Variants in TATDN2 observed in about 807,000 individuals in gnomAD.
TATDN2 encodes the protein 3'-5' RNA nuclease TATDN2.
Under a neutral mutation model 60.3 loss-of-function variants are expected in TATDN2, and 44 were observed. The ratio of observed to expected loss-of-function variants is 0.73; its 90% confidence interval spans 0.57 to 0.94. The LOEUF is 0.94. TATDN2 is among the 40% of genes least tolerant of loss of function. The pLI is 0.00. For synonymous variants in TATDN2, 399 were observed against 355.8 expected (o/e 1.12, Z -1.37); for missense variants, 997 against 948.0 (o/e 1.05, Z -0.68).
Position 10,270,838 on chromosome 3 carries a change from G to A in TATDN2, c.1656G>A (p.Leu552=). ...TLTDCLWEEL[L]KEDLVWGAFG... ...CAGATTGCCTATGGGAGGAGCTGTT[G>A]AAAGAGGATCTGGTCTGGGGGGCCT... Residue 552 remains leucine, a synonymous_variant, in exon 4 of 8, where the codon TTG becomes TTA. Transcript: ENST00000448281. 6.2e-7 allele frequency: 1 copy of A among 1,614,174 alleles called. No individual in the cohort carries two copies. The highest frequency in any genetic ancestry group is 8.5e-7 in the Non-Finnish European group (1 of 1,180,024).
chr3:10,255,777 A>G (rs1252385611), intron 2 of TATDN2, among the ~76,000 whole-genome samples: 2 of 152,170 alleles, frequency 1.3e-5, no homozygotes, highest in Admixed American at 1.3e-4. Context: ...CCTCGTCTCT[A>G]CCAAAAATAC....
chr3:10,254,328 C>T (rs1049757519), intron 2 of TATDN2, among the ~76,000 whole-genome samples: 1 of 152,196 alleles, frequency 6.6e-6, no homozygotes, highest in East Asian at 1.9e-4. Flanking sequence ...CTGAGTCTTA[C>T]TGATGGACAA....
intron 4 of TATDN2, 151 bp downstream of exon 4, chr3:10,271,166 C>G: frequency 1.1e-6 from 1 of 935,508 alleles, no homozygotes; most frequent in Non-Finnish European, 1.5e-6. Context: ...ATCTAGATGC[C>G]ATTTGTCAAA....
At chr3:10,270,028 G>A (rs545703180) in intron 3 of TATDN2, 103 bp from the exon 4 acceptor site, 1 of 1,437,430 alleles carries the variant, frequency 7.0e-7, no homozygotes, top group East Asian at 2.3e-5. Context: ...CCATCACCAT[G>A]GCCAGAAGAA....
intron 3 of TATDN2, among the ~76,000 whole-genome samples, chr3:10,265,562 G>A (rs1206848944): frequency 6.6e-6 from 1 of 150,614 alleles, no homozygotes; most frequent in Non-Finnish European, 1.5e-5. Context: ...TGCACCTGTA[G>A]TCCCAGGTGC....
chr3:10,252,129 C>CA (rs1698240115), intron 2 of TATDN2, among the ~76,000 whole-genome samples: 1 of 121,200 alleles, frequency 8.3e-6, no homozygotes, highest in Admixed American at 1.1e-4. Flanking sequence ...GCCTGGGCAA[C>CA]AGAGTGAGAC....
rs535345128 is a variant in TATDN2 at position 10,255,061 on chromosome 3, G to A, written c.415-5076G>A. Among the ~76,000 whole-genome samples the A allele has an allele frequency of 3.2e-4, 39 of 122,936 alleles. 1 individual carries two copies. The South Asian group carries it at 0.011, about 34-fold the overall frequency. The allele number at this position is 122,936 out of a possible 152,430, so 80.7% of individuals were successfully genotyped here. A position where few individuals can be genotyped will look rare whatever the true frequency, so the allele number is the denominator to read the frequency against. ...TCCTTTCCTGTCTGTCACCCAGGCT[G>A]AAGTGCAGTGGTGCAATTGGCTCAC... On this transcript the variant is annotated intron_variant, in intron 2 of 7. Transcript: ENST00000448281.
At chr3:10,276,121 C>T (rs187497850) in intron 4 of TATDN2, among the ~76,000 whole-genome samples, 1 of 152,384 alleles carries the variant, frequency 6.6e-6, no homozygotes, top group African/African-American at 2.4e-5. Flanking sequence ...TCACTGCATG[C>T]TGCGCAGACA....
At position 10,270,390 on chromosome 3, in the gene TATDN2, A is replaced by G; in HGVS notation, c.1208A>G (p.Asn403Ser). The G allele has an allele frequency of 6.2e-7, 1 of 1,614,214 alleles. No individual in the cohort carries two copies. Among genetic ancestry groups the G allele is most frequent in the East Asian group, 2.2e-5 (1 of 44,882 alleles). Reference protein sequence around the residue: ...SSYPSTGSSSNDAAQVGKSSR... With the variant: ...SSYPSTGSSSSDAAQVGKSSR... ...TACCCCTCCACAGGCAGCAGCAGCAACGATGCAGCCCAGGTTGGGAAGAGC... is the reference window on the plus strand; with the variant it reads ...TACCCCTCCACAGGCAGCAGCAGCAGCGATGCAGCCCAGGTTGGGAAGAGC... Residue 403 changes from asparagine (N) to serine (S), a missense_variant, in exon 4 of 8, where the codon AAC (asparagine) becomes AGC (serine). Transcript: ENST00000448281.
chr3:10,278,676 C>T lies in TATDN2; in HGVS notation c.2146-209C>T, dbSNP rs777648832. 5.1e-6 allele frequency: 5 copies of T among 974,304 alleles called. No homozygotes were observed. The South Asian group carries it at 5.5e-5, about 11-fold the overall frequency. 60.4% of individuals were successfully genotyped at this position (974,304 alleles called of 1,614,324 possible). ...CACTCTCTTCCAGGCAGTGCAAAGC[C>T]CTACCCTGTAGAGGGTAGTCCAAGG... On this transcript the variant is annotated intron_variant, in intron 6 of 7. Coordinates refer to ENST00000448281, the MANE Select transcript of TATDN2 (RefSeq NM_014760.4). The surrounding 1 kb of genome is among the most constrained non-coding windows in gnomAD (Gnocchi z 4.7).
At chr3:10,269,252 C>T (rs1388859703) in intron 3 of TATDN2, among the ~76,000 whole-genome samples, 1 of 152,214 alleles carries the variant, frequency 6.6e-6, no homozygotes, top group Non-Finnish European at 1.5e-5. Flanking sequence ...CAGATGGAAG[C>T]TACAAGGCCC....
At position 10,249,352 on chromosome 3, in the gene TATDN2, G is replaced by T. The variant is rs1559457933; in HGVS notation, c.152G>T (p.Ser51Ile). ...RSASRSGGPS[S>I]PKRLKAQKED... ...GCGTCGCGTTCTGGAGGGCCCAGCAGCCCCAAGCGCCTGAAAGCCCAGAAG... is the reference window on the plus strand; with the variant it reads ...GCGTCGCGTTCTGGAGGGCCCAGCATCCCCAAGCGCCTGAAAGCCCAGAAG... The change falls in exon 2 of 8, where the codon AGC becomes ATC. Residue 51 changes from serine to isoleucine, a missense_variant. Ser to Ile is a moderately radical substitution (Grantham distance 142). Coordinates refer to ENST00000448281, the MANE Select transcript of TATDN2 (RefSeq NM_014760.4). 3.7e-6 allele frequency: 6 copies of T among 1,612,820 alleles called. No individual in the cohort carries two copies. Among genetic ancestry groups the T allele is most frequent in the South Asian group, 1.1e-5 (1 of 90,936 alleles).
chr3:10,260,098 C>A, intron 2 of TATDN2, 39 bp from the exon 3 acceptor site: 1 of 1,571,824 alleles, frequency 6.4e-7, no homozygotes, highest in African/African-American at 1.4e-5. Context: ...CGAAAGTGCC[C>A]TTGGAACAGC....
rs946025844 is a variant in TATDN2 at position 10,280,184 on chromosome 3, C to T, written c.*1002C>T. On this transcript the variant is annotated 3_prime_UTR_variant, in exon 8 of 8. Coordinates refer to ENST00000448281, the MANE Select transcript of TATDN2 (RefSeq NM_014760.4). The stretch of plus-strand genomic sequence containing the variant: ...TCCGAAGCTCTGCTGGGCAGCTCAG[C>T]CATGTTACATTGTCTATGCAGAATA... 6.5e-6 allele frequency: 1 copy of T among 153,840 alleles called. No individual in the cohort carries two copies. The highest frequency in any genetic ancestry group is 1.5e-5 in the Non-Finnish European group (1 of 68,096). The allele number at this position is 153,840 out of a possible 1,614,324, so 9.5% of individuals were successfully genotyped here. A position where few individuals can be genotyped will look rare whatever the true frequency, so the allele number is the denominator to read the frequency against.
At chr3:10,266,595 A>C (rs1158776947) in intron 3 of TATDN2, among the ~76,000 whole-genome samples, 1 of 152,234 alleles carries the variant, frequency 6.6e-6, no homozygotes, top group East Asian at 1.9e-4. Context: ...AAGCTAATAC[A>C]GGGTCAGATG....
At chr3:10,269,673 C>T (rs1417427406) in intron 3 of TATDN2, among the ~76,000 whole-genome samples, 3 of 152,126 alleles carry the variant, frequency 2.0e-5, no homozygotes, top group Non-Finnish European at 2.9e-5. Flanking sequence ...CGCATTCCAG[C>T]CTGGGCAACA....
Position 10,249,397 on chromosome 3 carries a change from C to T in TATDN2, c.197C>T (p.Ser66Leu). The T allele has an allele frequency of 1.2e-6, 2 of 1,612,934 alleles. No homozygotes were observed. The highest frequency in any genetic ancestry group is 1.7e-5 in the Admixed American group (1 of 59,952). ...CAGAAGGAGGACGATGTGGCTTGCT[C>T]GCGGAGGTTATCCTGGGGCTCATCC... ...KAQKEDDVAC[S>L]RRLSWGSSRR... The change falls in exon 2 of 8, where the codon TCG becomes TTG. Residue 66 changes from serine (S) to leucine (L), a missense_variant. Ser to Leu is a moderately radical substitution (Grantham distance 145, BLOSUM62 -2). Coordinates refer to ENST00000448281, the MANE Select transcript of TATDN2 (RefSeq NM_014760.4).
intron 2 of TATDN2, among the ~76,000 whole-genome samples, chr3:10,250,098 G>A (rs1036823619): frequency 4.6e-5 from 7 of 151,750 alleles, no homozygotes; most frequent in African/African-American, 1.7e-4. Context: ...ACCAAGAATT[G>A]CGGTTCTTGG....
intron 5 of TATDN2, 145 bp downstream of exon 5, chr3:10,276,633 G>C: frequency 8.2e-7 from 1 of 1,225,300 alleles, no homozygotes; most frequent in East Asian, 3.0e-5. Flanking sequence ...CTGTCGCCCA[G>C]GCTGGAGTGT....
Sources: allele counts gnomAD v4.1 joint callset (sites outside exome capture counted in the v4.1 genomes callset), GRCh38; gene constraint gnomAD v4.1.1; non-coding constraint Gnocchi (gnomAD v3.1); transcripts MANE v1.5; gene names NCBI Gene and HGNC (gene_info 2026-07-23, HGNC 2026-07-21).